Variants in DLG4 observed in about 807,000 individuals in gnomAD.
DLG4 encodes the protein discs large MAGUK scaffold protein 4.
A neutral mutation model predicts 93.8 loss-of-function variants in DLG4; 7 were observed. That is an observed-to-expected ratio of 0.07 (90% CI 0.04 to 0.14). The LOEUF (loss-of-function observed/expected upper bound fraction) is 0.14, where lower values mean the gene tolerates loss of function less well. Ranked by LOEUF, DLG4 falls within the 10% of genes least tolerant of loss-of-function variation. The probability of loss-of-function intolerance (pLI) is 1.00; values close to 1 mark genes in which losing one functional copy is unlikely to be tolerated. For missense variants in DLG4, 545 were observed against 992.9 expected (o/e 0.55, Z 6.06); for synonymous variants, 341 against 387.6 (o/e 0.88, Z 1.41).
chr17:7,195,080 A>G lies in DLG4; in HGVS notation c.1302-585T>C, dbSNP rs1325920222. Among the ~76,000 whole-genome samples, 1 of 152,160 alleles carries G rather than the reference A, an allele frequency of 6.6e-6. No individual in the cohort carries two copies. The highest frequency in any genetic ancestry group is 2.4e-5 in the African/African-American group (1 of 41,432). ...AAAGCAGTGTGCAGTACACACGCACATCATAAAGTCACAGGGGTAACCCTG... is the reference window on the plus strand; with the variant it reads ...AAAGCAGTGTGCAGTACACACGCACGTCATAAAGTCACAGGGGTAACCCTG... On this transcript the variant is annotated intron_variant, in intron 11 of 19. Transcript: ENST00000399506. This position sits in a 1 kb window ranked among gnomAD's most constrained non-coding sequence, Gnocchi z 4.3.
At chr17:7,211,122 GA>G (rs1425582557) in intron 1 of DLG4, among the ~76,000 whole-genome samples, 6 of 144,790 alleles carry the variant, frequency 4.1e-5, no homozygotes, top group African/African-American at 1.5e-4. Flanking sequence ...GAAACGTCGG[GA>G]GGGGTGGGGG....
rs1213974603 is a variant in DLG4, at chr17:7,195,162, C to T, written c.1302-667G>A. Among the ~76,000 whole-genome samples, 2 of 152,176 alleles carry T rather than the reference C, an allele frequency of 1.3e-5. No individual in the cohort carries two copies. The highest frequency in any genetic ancestry group is 2.9e-5 in the Non-Finnish European group (2 of 68,032). On this transcript the variant is annotated intron_variant, in intron 11 of 19. Transcript: ENST00000399506. The surrounding 1 kb of genome is among the most constrained non-coding windows in gnomAD (Gnocchi z 4.3). ...GTCCCGTGTTTCCAAATAATGGTTACCCTTACCAGTATCAAATTTCTATCA... is the reference window on the plus strand; with the variant it reads ...GTCCCGTGTTTCCAAATAATGGTTATCCTTACCAGTATCAAATTTCTATCA...
At chr17:7,207,524 C>T (rs897441990) in intron 2 of DLG4, among the ~76,000 whole-genome samples, 3 of 149,494 alleles carry the variant, frequency 2.0e-5, no homozygotes, top group Non-Finnish European at 4.4e-5. Context: ...GGCCCAGAGG[C>T]GGAGGTAGGG....
Position 7,191,736 on chromosome 17 carries a change from G to A in DLG4, c.1976+157C>T, listed in dbSNP as rs989785453. ...AGGCAGGAGAGGAGGGGAAAGACCC[G>A]ATTCCCCCACATCCTCTGGGTTCCA... On this transcript the variant is annotated intron_variant, in intron 18 of 19. Coordinates refer to ENST00000399506, the MANE Select transcript of DLG4 (RefSeq NM_001321075.3). The surrounding 1 kb of genome is among the most constrained non-coding windows in gnomAD (Gnocchi z 6.6). The A allele has an allele frequency of 1.7e-4, 101 of 582,864 alleles. No homozygotes were observed. Among genetic ancestry groups the A allele is most frequent in the South Asian group, 2.9e-5 (1 of 34,636 alleles). The allele number at this position is 582,864 out of a possible 1,614,324, so 36.1% of individuals were successfully genotyped here. A position where few individuals can be genotyped will look rare whatever the true frequency, so the allele number is the denominator to read the frequency against.
At chr17:7,207,508 G>A (rs540896297) in intron 2 of DLG4, among the ~76,000 whole-genome samples, 4 of 152,090 alleles carry the variant, frequency 2.6e-5, no homozygotes, top group Admixed American at 1.3e-4. Context: ...GGGACAGGGC[G>A]AGCCAGGCCC....
At chr17:7,217,798 G>A (rs757466308), upstream of DLG4, 16 of 1,535,180 alleles carry the variant, frequency 1.0e-5, 1 homozygote, top group Middle Eastern at 3.3e-4. Context: ...AGCCACCAGC[G>A]ATGACAGCAA....
intron 8 of DLG4, among the ~76,000 whole-genome samples, chr17:7,199,356 C>A (rs887197258): frequency 1.3e-5 from 2 of 152,044 alleles, no homozygotes; most frequent in Non-Finnish European, 2.9e-5. Flanking sequence ...CCCACCACCA[C>A]GCCTGGCTAA....
intron 2 of DLG4, chr17:7,207,955 GC>G: frequency 4.1e-6 from 1 of 246,714 alleles, no homozygotes; most frequent in Non-Finnish European, 6.4e-6. Context: ...CCAAACCCCC[GC>G]CCCCAGTCCC....
intron 8 of DLG4, among the ~76,000 whole-genome samples, chr17:7,200,834 C>CCT (rs2070085545): frequency 6.7e-6 from 1 of 150,328 alleles, no homozygotes; most frequent in African/African-American, 2.4e-5. Context: ...GCATGAGCCA[C>CCT]CGGCGCGCCC....
chr17:7,219,361 A>T (rs2071077496), upstream of DLG4: 1 of 1,001,180 alleles, frequency 1.0e-6, no homozygotes, highest in Admixed American at 5.3e-5. Context: ...AAGGTCTCAG[A>T]GGCTTTACTA....
In DLG4 at chr17:7,193,654, G is replaced by A; in HGVS notation, c.1591+13C>T. The A allele has an allele frequency of 3.9e-6, 6 of 1,544,008 alleles. No individual in the cohort carries two copies. Among genetic ancestry groups the A allele is most frequent in the Non-Finnish European group, 5.2e-6 (6 of 1,146,408 alleles). ...CAGCAAGTGCTGGGGCCAAGGCAGG[G>A]GCCAGGGCTCACCTTCCATCTGCGT... On this transcript the variant is annotated intron_variant, in intron 15 of 19. Transcript: ENST00000399506. The surrounding 1 kb of genome is among the most constrained non-coding windows in gnomAD (Gnocchi z 6.7).
rs534432969 is a variant in DLG4, at chr17:7,194,669, A to G, written c.1302-174T>C. On this transcript the variant is annotated intron_variant, in intron 11 of 19. Coordinates refer to ENST00000399506, the MANE Select transcript of DLG4 (RefSeq NM_001321075.3). The surrounding 1 kb of genome is among the most constrained non-coding windows in gnomAD (Gnocchi z 4.4). ...ACGCTGACTATAACTCATAACAACT[A>G]TTAGCCATCACTCAGTCCACACTGA... is the stretch of plus-strand genomic sequence containing the variant. Among the ~76,000 whole-genome samples, 1 of 152,294 alleles carries G rather than the reference A, an allele frequency of 6.6e-6. No individual in the cohort carries two copies. Among genetic ancestry groups the G allele is most frequent in the East Asian group, 1.9e-4 (1 of 5,180 alleles).
rs1233263708 is a variant in DLG4, at chr17:7,188,024, C to G, written c.*2684G>C. 6.7e-6 allele frequency among the ~76,000 whole-genome samples: 1 copy of G among 149,954 alleles called. No individual in the cohort carries two copies. The highest frequency in any genetic ancestry group is 1.5e-5 in the Non-Finnish European group (1 of 67,866). On this transcript the variant is annotated 3_prime_UTR_variant, in exon 20 of 20. Transcript: ENST00000399506. Reference sequence around the variant, plus strand: ...GTTGGAGGTTGCAGTGAGCCGAGATCGCGCCATTGCACTCCAGCTTGGGCA... The same window carrying G: ...GTTGGAGGTTGCAGTGAGCCGAGATGGCGCCATTGCACTCCAGCTTGGGCA...
At chr17:7,217,748 G>GAA, upstream of DLG4, 1 of 1,535,354 alleles carries the variant, frequency 6.5e-7, no homozygotes, top group Non-Finnish European at 8.7e-7. Flanking sequence ...GATAGAAGCA[G>GAA]AAGCACAGAG....
At chr17:7,204,374 C>T in intron 2 of DLG4, 122 bp from the exon 3 acceptor site, 1 of 895,000 alleles carries the variant, frequency 1.1e-6, no homozygotes, top group South Asian at 1.8e-5. Context: ...CTCCGCCACC[C>T]TGAGAGCTGC....
At chr17:7,210,538 T>C (rs2070665617) in intron 1 of DLG4, among the ~76,000 whole-genome samples, 1 of 152,200 alleles carries the variant, frequency 6.6e-6, no homozygotes, top group Non-Finnish European at 1.5e-5. Context: ...AAAGGAGTTC[T>C]ATGAACCAAC....
chr17:7,198,846 TC>T lies in DLG4; in HGVS notation c.788-1795del, dbSNP rs1195076075. Among the ~76,000 whole-genome samples the T allele has an allele frequency of 1.8e-3, 199 of 107,736 alleles. 1 individual carries two copies. The highest frequency in any genetic ancestry group is 7.4e-3 in the African/African-American group (188 of 25,304). The allele number at this position is 107,736 out of a possible 152,430, so 70.7% of individuals were successfully genotyped here. A position where few individuals can be genotyped will look rare whatever the true frequency, so the allele number is the denominator to read the frequency against. ...CTGGGTGACAGAGTGAGACTCCATC[TC>T]AAAAAAAAAAAAAAAAAAGTTAGCT... is the stretch of plus-strand genomic sequence containing the variant. On this transcript the variant is annotated intron_variant, in intron 8 of 19. Coordinates refer to ENST00000399506, the MANE Select transcript of DLG4 (RefSeq NM_001321075.3).
intron 2 of DLG4, chr17:7,207,943 C>T (rs1488177167): frequency 1.1e-5 from 9 of 804,070 alleles, no homozygotes; most frequent in Non-Finnish European, 1.5e-5. Context: ...GGAGCCCAAG[C>T]CCCAAACCCC....
chr17:7,209,239 G>A (rs116494814), intron 1 of DLG4, among the ~76,000 whole-genome samples: 1,573 of 152,274 alleles, frequency 0.01, 33 homozygotes, highest in African/African-American at 0.036. Flanking sequence ...TAGCTTAATA[G>A]GGACAACAGT....
Sources: allele counts gnomAD v4.1 joint callset (sites outside exome capture counted in the v4.1 genomes callset), GRCh38; gene constraint gnomAD v4.1.1; non-coding constraint Gnocchi (gnomAD v3.1); transcripts MANE v1.5; gene names NCBI Gene and HGNC (gene_info 2026-07-23, HGNC 2026-07-21).